Variants in NRSN1 observed in about 807,000 individuals in gnomAD.
NRSN1 encodes neurensin 1, also known as neurensin-1.
NRSN1 carries 14 observed loss-of-function variants against 17.3 expected under a neutral mutation model. The ratio of observed to expected loss-of-function variants is 0.81; its 90% CI spans 0.54 to 1.27. The LOEUF is 1.27. Among genes scored for constraint, NRSN1 ranks in the 50% most tolerant of loss-of-function variants. The probability of loss-of-function intolerance (pLI) is 0.00; values close to 1 mark genes in which losing one functional copy is unlikely to be tolerated. For synonymous variants in NRSN1, 79 were observed against 94.2 expected (o/e 0.84, Z 0.93); for missense variants, 209 against 235.9 (o/e 0.89, Z 0.75).
At chr6:24,142,191 CTTTTTTTTTTTT>C (rs751168423) in intron 3 of NRSN1, among the ~76,000 whole-genome samples, 1 of 44,446 alleles carries the variant, frequency 2.2e-5, no homozygotes, top group Non-Finnish European at 4.2e-5. Context: ...TACAGAACAG[CTTTTTTTTTTTT>C]TTTTTTTTTT....
intron 3 of NRSN1, among the ~76,000 whole-genome samples, chr6:24,138,041 G>T (rs567829578): frequency 6.1e-4 from 93 of 152,210 alleles, no homozygotes; most frequent in African/African-American, 2.0e-3. Flanking sequence ...GCATACAAAA[G>T]CCAGTTCACA....
chr6:24,138,047 T>C (rs924375193), intron 3 of NRSN1, among the ~76,000 whole-genome samples: 6 of 152,164 alleles, frequency 3.9e-5, no homozygotes, highest in African/African-American at 1.4e-4. Flanking sequence ...AAAAGCCAGT[T>C]CACAGAAGAC....
At chr6:24,144,995 T>G (rs1760276846) in intron 3 of NRSN1, among the ~76,000 whole-genome samples, 2 of 147,404 alleles carry the variant, frequency 1.4e-5, no homozygotes, top group African/African-American at 2.5e-5. Context: ...AAAAAGATAT[T>G]TATATATATA....
chr6:24,142,095 C>G (rs994780197), intron 3 of NRSN1, among the ~76,000 whole-genome samples: 8 of 150,388 alleles, frequency 5.3e-5, no homozygotes, highest in African/African-American at 2.0e-4. Context: ...GGTAAATGTA[C>G]TTGCCACCAT....
chr6:24,130,465 G>A lies in NRSN1; in HGVS notation c.-10+2265G>A, dbSNP rs16888702. On this transcript the variant is annotated intron_variant, in intron 2 of 3. Coordinates refer to ENST00000378491, the MANE Select transcript of NRSN1 (RefSeq NM_080723.5). ...ATGTATAACTCTCTGTTGAGATTTT[G>A]TAGGTCCAAATCTATCACTCTAACA... Among the ~76,000 whole-genome samples the A allele has an allele frequency of 9.3e-3, 1,410 of 152,236 alleles. 12 individuals are homozygous for A. The highest frequency in any genetic ancestry group is 0.019 in the African/African-American group (796 of 41,568).
chr6:24,134,260 T>C, intron 2 of NRSN1, 59 bp from the exon 3 acceptor site: 1 of 1,370,942 alleles, frequency 7.3e-7, no homozygotes, highest in South Asian at 1.3e-5. Flanking sequence ...CTTTCATATG[T>C]CTTTTGATCC....
intron 2 of NRSN1, among the ~76,000 whole-genome samples, chr6:24,131,431 C>G (rs1581547723): frequency 6.6e-6 from 1 of 151,924 alleles, no homozygotes; most frequent in Non-Finnish European, 1.5e-5. Context: ...TATTTTTGTC[C>G]CTTTTTCATG....
intron 3 of NRSN1, among the ~76,000 whole-genome samples, chr6:24,137,032 A>G (rs1437634633): frequency 1.3e-5 from 2 of 148,926 alleles, no homozygotes; most frequent in Non-Finnish European, 2.9e-5. Context: ...TGTTTCTATT[A>G]TGATTCTTTT....
At chr6:24,134,637 C>T (rs1331657260) in intron 3 of NRSN1, 121 bp downstream of exon 3, 2 of 764,786 alleles carry the variant, frequency 2.6e-6, no homozygotes, top group Non-Finnish European at 4.1e-6. Context: ...CTTGGTGATA[C>T]TAAATGCATT....
Position 24,142,304 on chromosome 6 carries a change from G to C in NRSN1, c.190-3244G>C, listed in dbSNP as rs1025152444. Among the ~76,000 whole-genome samples the C allele has an allele frequency of 1.5e-4, 21 of 143,806 alleles. No homozygotes were observed. The South Asian group carries it at 3.1e-3, about 21-fold the overall frequency. The allele number at this position is 143,806 out of a possible 152,430, so 94.3% of individuals were successfully genotyped here. On this transcript the variant is annotated intron_variant, in intron 3 of 3. Coordinates refer to ENST00000378491, the MANE Select transcript of NRSN1 (RefSeq NM_080723.5). ...CATATGGTGGCTAAAACTCCTTTGA[G>C]GTTCAAATAAAAATAATAGAAAGAA...
At chr6:24,138,690 G>A (rs1295210446) in intron 3 of NRSN1, among the ~76,000 whole-genome samples, 1 of 152,088 alleles carries the variant, frequency 6.6e-6, no homozygotes, top group Non-Finnish European at 1.5e-5. Flanking sequence ...CAAGACCCAG[G>A]TTAAGTTCCT....
chr6:24,138,088 G>A (rs527453567), intron 3 of NRSN1, among the ~76,000 whole-genome samples: 23 of 152,200 alleles, frequency 1.5e-4, no homozygotes, highest in African/African-American at 4.1e-4. Context: ...AAATTTCTCC[G>A]TAACATTTCA....
rs1350068535 is a variant in NRSN1, at chr6:24,146,243, T to C, written c.*297T>C. 5 of 619,084 alleles carry C rather than the reference T, an allele frequency of 8.1e-6. No homozygotes were observed. In the East Asian group the frequency reaches 1.4e-4, roughly 18 times the overall value. 38.3% of individuals were successfully genotyped at this position (619,084 alleles called of 1,614,324 possible). ...GATCGTGACTTTGTGTTATTTTCCG[T>C]GTTGTTTGAAAGTGCCGAACAGTTT... On this transcript the variant is annotated 3_prime_UTR_variant, in exon 4 of 4. Transcript: ENST00000378491.
chr6:24,141,063 A>G, intron 3 of NRSN1: 1 of 1,453,606 alleles, frequency 6.9e-7, no homozygotes, highest in Non-Finnish European at 9.1e-7. Flanking sequence ...GATTGGCCTT[A>G]CCACCCTAAG....
rs1760321197 is a variant in NRSN1, at chr6:24,147,195, T to A, written c.*1249T>A. ...CAAATAAGGAACCCCTTGGTAGATA[T>A]TAACCTTAAAAAGGGTTTTCATTCT... On this transcript the variant is annotated 3_prime_UTR_variant, in exon 4 of 4. Coordinates refer to ENST00000378491, the MANE Select transcript of NRSN1 (RefSeq NM_080723.5). 6.6e-6 allele frequency: 1 copy of A among 152,236 alleles called. No homozygotes were observed. The highest frequency in any genetic ancestry group is 2.4e-5 in the African/African-American group (1 of 41,470). 9.4% of individuals were successfully genotyped at this position (152,236 alleles called of 1,614,324 possible). A position where few individuals can be genotyped will look rare whatever the true frequency, so the allele number is the denominator to read the frequency against.
At chr6:24,127,909 T>C (rs530092529) in intron 1 of NRSN1, among the ~76,000 whole-genome samples, 23 of 152,314 alleles carry the variant, frequency 1.5e-4, no homozygotes, top group Middle Eastern at 3.4e-3. Flanking sequence ...TTTTATGTCA[T>C]CTCATTCACT....
intron 2 of NRSN1, 100 bp from the exon 3 acceptor site, chr6:24,134,219 C>A: frequency 1.1e-6 from 1 of 904,016 alleles, no homozygotes; most frequent in Non-Finnish European, 1.7e-6. Context: ...CATTGTTCAA[C>A]TAGGCATACA....
chr6:24,135,200 G>C (rs181834354), intron 3 of NRSN1, among the ~76,000 whole-genome samples: 1 of 152,208 alleles, frequency 6.6e-6, no homozygotes, highest in Non-Finnish European at 1.5e-5. Context: ...CCACATGATA[G>C]AATGTTAGGT....
intron 3 of NRSN1, among the ~76,000 whole-genome samples, chr6:24,139,981 A>G (rs1760176822): frequency 6.6e-6 from 1 of 152,232 alleles, no homozygotes; most frequent in Non-Finnish European, 1.5e-5. Context: ...AAGAACATCC[A>G]GCAAAGCAGG....
Sources: gnomAD v4.1 joint callset for allele counts (sites outside exome capture counted in the v4.1 genomes callset) on GRCh38, gnomAD v4.1.1 for gene constraint, MANE v1.5 for transcripts, NCBI Gene and HGNC (gene_info 2026-07-23, HGNC 2026-07-21) for gene names.